CPAP: variants seen among roughly 807,000 people sequenced by gnomAD.
CPAP encodes centrosome assembly and centriole elongation protein.
chr13:24,895,045 C>G, the CPAP span, among the ~76,000 whole-genome samples: 2 of 152,238 alleles, frequency 1.3e-5, no homozygotes, highest in African/African-American at 4.8e-5. Context: ...CCTCCACGTC[C>G]CGCGGGCAAG....
the CPAP span, chr13:24,882,314 G>A: frequency 6.6e-6 from 1 of 150,598 alleles, no homozygotes; most frequent in African/African-American, 2.4e-5. Context: ...ATTCAGTTAA[G>A]TCACCTGGAA....
chr13:24,900,004 T>C, the CPAP span, among the ~76,000 whole-genome samples: 32 of 151,510 alleles, frequency 2.1e-4, no homozygotes, highest in South Asian at 6.2e-3. Flanking sequence ...TTACATTCTA[T>C]TGGAAGACAG....
At chr13:24,913,582 C>A in the CPAP span, among the ~76,000 whole-genome samples, 1 of 152,196 alleles carries the variant, frequency 6.6e-6, no homozygotes, top group Non-Finnish European at 1.5e-5. Flanking sequence ...CGTCTCCCTA[C>A]TAACACCTCA....
At chr13:24,892,853 T>C in the CPAP span, 1 of 1,610,504 alleles carries the variant, frequency 6.2e-7, no homozygotes, top group South Asian at 1.1e-5. Context: ...AATCTGCTAT[T>C]TGCTGTTTTA....
chr13:24,888,238 AT>A, the CPAP span, among the ~76,000 whole-genome samples: 4 of 152,098 alleles, frequency 2.6e-5, no homozygotes, highest in Admixed American at 6.5e-5. Flanking sequence ...TAAATTCAAC[AT>A]TACAAGGAAA....
the CPAP span, among the ~76,000 whole-genome samples, chr13:24,933,750 A>G: frequency 3.0e-4 from 46 of 150,850 alleles, no homozygotes; most frequent in Non-Finnish European, 5.0e-4. Context: ...TTTTAGATGG[A>G]GTCTCACTCT....
the CPAP span, chr13:24,908,167 T>C: frequency 1.5e-6 from 2 of 1,361,866 alleles, no homozygotes; most frequent in Admixed American, 1.7e-5. Flanking sequence ...AAGAAAAGCA[T>C]ATTAATGTCT....
the CPAP span, among the ~76,000 whole-genome samples, chr13:24,928,297 C>A: frequency 6.6e-6 from 1 of 152,202 alleles, no homozygotes; most frequent in South Asian, 2.1e-4. Flanking sequence ...AAGGGGAACT[C>A]CAGCAGGTTG....
chr13:24,884,156 T>C, the CPAP span: 1 of 1,614,052 alleles, frequency 6.2e-7, no homozygotes, highest in Non-Finnish European at 8.5e-7. Context: ...GGAGCAAGTT[T>C]GTACCTATTT....
At chr13:24,914,100 G>A in the CPAP span, among the ~76,000 whole-genome samples, 2 of 152,084 alleles carry the variant, frequency 1.3e-5, no homozygotes, top group Non-Finnish European at 2.9e-5. Context: ...TAAGTGCAAA[G>A]GGGAAAAATA....
chr13:24,920,831 TAGTC>T, the CPAP span, among the ~76,000 whole-genome samples: 1 of 151,760 alleles, frequency 6.6e-6, no homozygotes, highest in Non-Finnish European at 1.5e-5. Flanking sequence ...TTCACTATGT[TAGTC>T]AGGTTGTTCT....
At chr13:24,913,824 T>C in the CPAP span, among the ~76,000 whole-genome samples, 1 of 152,406 alleles carries the variant, frequency 6.6e-6, no homozygotes, top group East Asian at 1.9e-4. Context: ...GCCATAACTC[T>C]GTATGAATTA....
the CPAP span, among the ~76,000 whole-genome samples, chr13:24,922,360 C>T: frequency 5.9e-5 from 9 of 152,180 alleles, no homozygotes; most frequent in Non-Finnish European, 1.3e-4. Context: ...CATGAATCCA[C>T]ACGAAGCTTC....
chr13:24,922,384 T>A, the CPAP span, among the ~76,000 whole-genome samples: 1 of 152,168 alleles, frequency 6.6e-6, no homozygotes, highest in Admixed American at 6.5e-5. Flanking sequence ...AGAGAAGCCC[T>A]TGACAAAGCT....
the CPAP span, chr13:24,932,902 T>C: frequency 2.1e-5 from 15 of 729,346 alleles, 1 homozygote; most frequent in South Asian, 1.5e-4. Flanking sequence ...ACAATGTTTC[T>C]TAAGGTAATG....
the CPAP span, chr13:24,903,821 A>G: frequency 2.4e-6 from 3 of 1,253,100 alleles, no homozygotes; most frequent in Non-Finnish European, 3.5e-6. Flanking sequence ...CTTTTCAATT[A>G]TATTTGTTTG....
the CPAP span, chr13:24,905,394 G>C: frequency 6.2e-7 from 1 of 1,614,128 alleles, no homozygotes; most frequent in Non-Finnish European, 8.5e-7. Flanking sequence ...TTTCCCAAGT[G>C]TGAATCTGAC....
chr13:24,912,588 A>G, the CPAP span: 3 of 1,613,172 alleles, frequency 1.9e-6, no homozygotes, highest in Non-Finnish European at 2.5e-6. Flanking sequence ...GTACCTGTTC[A>G]AGTTTTTTAA....
the CPAP span, among the ~76,000 whole-genome samples, chr13:24,887,345 C>T: frequency 6.6e-6 from 1 of 152,184 alleles, no homozygotes; most frequent in Admixed American, 6.5e-5. Flanking sequence ...GGCCACACAG[C>T]AGGAGATGAG....
Sources: allele counts gnomAD v4.1 joint callset (sites outside exome capture counted in the v4.1 genomes callset), GRCh38; gene constraint gnomAD v4.1.1; transcripts MANE v1.5; gene names NCBI Gene and HGNC (gene_info 2026-07-23, HGNC 2026-07-21).